The following PARD3B variants were observed in gnomAD, a reference collection of about 807,000 sequenced individuals.
PARD3B encodes partitioning defective 3 homolog B.
PARD3B carries 103 observed loss-of-function variants against 130.2 expected under a neutral mutation model. The observed-to-expected ratio is 0.79, with a 90% CI of 0.67 to 0.93. The LOEUF is 0.93. PARD3B is among the 40% of genes least tolerant of loss of function. The pLI is 0.00. For missense variants in PARD3B, 1,609 were observed against 1,499.2 expected, an observed-to-expected ratio of 1.07 and a Z score of -1.21; for synonymous variants, 583 against 553.2, an observed-to-expected ratio of 1.05 and a Z score of -0.76.
At position 204,610,616 on chromosome 2, in the gene PARD3B, T is replaced by G. The variant is rs1408929393; in HGVS notation, c.120+64497T>G. ...CTCAGGTGATCCACCCGCATTGGCC[T>G]CCCAAAGTGCTGGGATTACAGGCAG... On this transcript the variant is annotated intron_variant, in intron 1 of 22. Transcript: ENST00000406610. This position sits in a 1 kb window ranked among gnomAD's most constrained non-coding sequence, Gnocchi z 4.1. 1.3e-5 allele frequency among the ~76,000 whole-genome samples: 2 copies of G among 152,296 alleles called. No homozygotes were observed. Among genetic ancestry groups the G allele is most frequent in the East Asian group, 3.9e-4 (2 of 5,162 alleles).
At chr2:204,734,627 C>G (rs1198412902) in intron 2 of PARD3B, among the ~76,000 whole-genome samples, 1 of 152,086 alleles carries the variant, frequency 6.6e-6, no homozygotes. Flanking sequence ...AAGTGTTTCA[C>G]AAAGTGAAAG....
At chr2:204,813,469 T>C (rs939144009) in intron 2 of PARD3B, among the ~76,000 whole-genome samples, 4 of 152,072 alleles carry the variant, frequency 2.6e-5, no homozygotes, top group African/African-American at 9.7e-5. Context: ...CTTCAGGCTG[T>C]GGATTATCTT....
intron 2 of PARD3B, among the ~76,000 whole-genome samples, chr2:204,896,799 C>A (rs1019617129): frequency 6.6e-6 from 1 of 152,174 alleles, no homozygotes; most frequent in Non-Finnish European, 1.5e-5. Context: ...CCATTGTTAA[C>A]TTCCTTATTC....
At chr2:205,379,388 A>G (rs79530626) in intron 18 of PARD3B, among the ~76,000 whole-genome samples, 463 of 152,218 alleles carry the variant, frequency 3.0e-3, no homozygotes, top group Non-Finnish European at 5.6e-3. Flanking sequence ...GGTGAAATCT[A>G]CATGTGCATG....
intron 3 of PARD3B, among the ~76,000 whole-genome samples, chr2:204,969,286 A>C (rs1238737730): frequency 6.6e-6 from 1 of 152,240 alleles, no homozygotes; most frequent in African/African-American, 2.4e-5. Flanking sequence ...TAGTTAATAA[A>C]TAACATTTAT....
intron 3 of PARD3B, among the ~76,000 whole-genome samples, chr2:205,043,340 A>G (rs892088361): frequency 3.3e-5 from 5 of 152,092 alleles, no homozygotes; most frequent in Admixed American, 6.6e-5. Flanking sequence ...TGAAAATTAC[A>G]TACCAGACAG....
At chr2:204,876,271 T>C (rs1333724564) in intron 2 of PARD3B, among the ~76,000 whole-genome samples, 1 of 152,238 alleles carries the variant, frequency 6.6e-6, no homozygotes, top group African/African-American at 2.4e-5. Context: ...CAGAACCCTC[T>C]TTCCAAATAT....
intron 16 of PARD3B, among the ~76,000 whole-genome samples, chr2:205,277,207 C>T (rs551841962): frequency 2.8e-4 from 43 of 152,314 alleles, no homozygotes; most frequent in African/African-American, 1.0e-3. Context: ...AAAAGCTTAG[C>T]AAGGAAGACA....
At chr2:205,474,756 A>C (rs1259740822) in intron 20 of PARD3B, among the ~76,000 whole-genome samples, 1 of 152,192 alleles carries the variant, frequency 6.6e-6, no homozygotes, top group Non-Finnish European at 1.5e-5. Context: ...TTCCACCAGT[A>C]ATGCAGAAAA....
At chr2:204,608,498 C>A (rs979870092) in intron 1 of PARD3B, among the ~76,000 whole-genome samples, 1 of 152,134 alleles carries the variant, frequency 6.6e-6, no homozygotes, top group Non-Finnish European at 1.5e-5. Flanking sequence ...AGGAATTGTT[C>A]TGAATTGGCT....
chr2:205,361,287 C>T (rs935317529), intron 18 of PARD3B, among the ~76,000 whole-genome samples: 2 of 152,048 alleles, frequency 1.3e-5, no homozygotes, highest in Non-Finnish European at 2.9e-5. Context: ...CTCATGGAAT[C>T]GGAGAAGATG....
intron 1 of PARD3B, among the ~76,000 whole-genome samples, chr2:204,624,331 G>T (rs761145649): frequency 1.3e-5 from 2 of 152,098 alleles, no homozygotes; most frequent in Non-Finnish European, 2.9e-5. Context: ...TGTTGGCAGG[G>T]ATGTGGAAAA....
At chr2:205,576,733 T>A (rs2053773382) in intron 22 of PARD3B, among the ~76,000 whole-genome samples, 2 of 152,230 alleles carry the variant, frequency 1.3e-5, no homozygotes, top group African/African-American at 2.4e-5. Context: ...TATTATCGGT[T>A]CTCTAAGTTT....
intron 2 of PARD3B, among the ~76,000 whole-genome samples, chr2:204,865,499 T>C: frequency 6.6e-6 from 1 of 152,216 alleles, no homozygotes; most frequent in Non-Finnish European, 1.5e-5. Flanking sequence ...CTGAATGGAA[T>C]TGGAGACCAT....
chr2:204,662,517 T>G (rs751302479), intron 1 of PARD3B, among the ~76,000 whole-genome samples: 2 of 152,192 alleles, frequency 1.3e-5, no homozygotes, highest in African/African-American at 2.4e-5. Context: ...GTGGTTCAGC[T>G]TGCAACATAA....
chr2:204,998,038 G>T (rs1276180725), intron 3 of PARD3B, among the ~76,000 whole-genome samples: 1 of 149,068 alleles, frequency 6.7e-6, no homozygotes, highest in South Asian at 2.1e-4. Flanking sequence ...TCTTATTAAG[G>T]TTATGAATAA....
At position 205,300,201 on chromosome 2, in the gene PARD3B, GTC is replaced by G. The variant is rs1217593789; in HGVS notation, c.2186-325_2186-324del. Among the ~76,000 whole-genome samples, 2 of 152,182 alleles carry G rather than the reference GTC, an allele frequency of 1.3e-5. No individual in the cohort carries two copies. The highest frequency in any genetic ancestry group is 1.3e-4 in the Admixed American group (2 of 15,280). ...GAAATCACTCTCATTCACATACATA[GTC>G]TCTATAAATAGCTACAGCCTTTCAA... On this transcript the variant is annotated intron_variant, in intron 16 of 22. Transcript: ENST00000406610. This position sits in a 1 kb window ranked among gnomAD's most constrained non-coding sequence, Gnocchi z 4.1.
chr2:204,573,502 G>A (rs2032103391), intron 1 of PARD3B, among the ~76,000 whole-genome samples: 1 of 152,182 alleles, frequency 6.6e-6, no homozygotes, highest in African/African-American at 2.4e-5. Context: ...TCAGTCAGCA[G>A]CACCAGGAGA....
chr2:205,149,772 C>T (rs558152261), intron 10 of PARD3B, among the ~76,000 whole-genome samples: 2 of 152,270 alleles, frequency 1.3e-5, no homozygotes, highest in South Asian at 4.1e-4. Flanking sequence ...ACTGCATTTG[C>T]CAATTGTTGA....
Sources: gnomAD v4.1 joint callset for allele counts (sites outside exome capture counted in the v4.1 genomes callset) on GRCh38, gnomAD v4.1.1 for gene constraint, Gnocchi (gnomAD v3.1) non-coding constraint, MANE v1.5 for transcripts, NCBI Gene and HGNC (gene_info 2026-07-23, HGNC 2026-07-21) for gene names.